Variants in TRIM21 observed in about 807,000 individuals in gnomAD.
TRIM21 encodes E3 ubiquitin-protein ligase TRIM21.
In TRIM21, 35 loss-of-function variants were observed where a neutral mutation model predicts 36.1. The observed-to-expected ratio is 0.97, with a 90% CI of 0.74 to 1.28. The LOEUF (loss-of-function observed/expected upper bound fraction) is 1.28, where lower values mean the gene tolerates loss of function less well. Among genes scored for constraint, TRIM21 ranks in the 50% most tolerant of loss-of-function variants. TRIM21 has a pLI of 0.00. For synonymous variants in TRIM21, 256 were observed against 211.5 expected (o/e 1.21, Z -1.83); for missense variants, 635 against 570.7 (o/e 1.11, Z -1.15).
rs1449922806 is a variant in TRIM21 at position 4,393,641 on chromosome 11, G to A, written c.-58C>T. On this transcript the variant is annotated 5_prime_UTR_variant, in exon 1 of 7. Coordinates refer to ENST00000254436, the MANE Select transcript of TRIM21 (RefSeq NM_003141.4). ...TAGTGGGGTTCACTCACCTTTACAG[G>A]GGACTCAACGCTGGTAGCCAGCTCC... 2 of 152,262 alleles carry A rather than the reference G, an allele frequency of 1.3e-5. No individual in the cohort carries two copies. The highest frequency in any genetic ancestry group is 2.1e-4 in the South Asian group (1 of 4,824). The allele number at this position is 152,262 out of a possible 1,614,324, so 9.4% of individuals were successfully genotyped here. A position where few individuals can be genotyped will look rare whatever the true frequency, so the allele number is the denominator to read the frequency against.
chr11:4,388,466 A>T lies in TRIM21; in HGVS notation c.569T>A (p.Val190Asp), dbSNP rs770667290. The stretch of plus-strand genomic sequence containing the variant: ...CTGCAGCTGCCTCTGTTCTTCTTCA[A>T]CCAGGAAGTTTTTTTGCTGCACAAA... ...AEFVQQKNFL[V>D]EEEQRQLQEL... The change falls in exon 4 of 7, where the codon GTT becomes GAT. Residue 190 changes from valine (V) to aspartate (D), a missense_variant. Coordinates refer to ENST00000254436, the MANE Select transcript of TRIM21 (RefSeq NM_003141.4). The T allele has an allele frequency of 1.2e-6, 2 of 1,613,492 alleles. No homozygotes were observed. The highest frequency in any genetic ancestry group is 1.1e-5 in the South Asian group (1 of 91,080).
At position 4,385,345 on chromosome 11, in the gene TRIM21, G is replaced by GT; in HGVS notation, c.1367dup (p.Asn456LysfsTer19). 6.2e-7 allele frequency: 1 copy of GT among 1,613,708 alleles called. No homozygotes were observed. Among genetic ancestry groups the GT allele is most frequent in the Non-Finnish European group, 8.5e-7 (1 of 1,179,856 alleles). On this transcript the variant is annotated frameshift_variant, in exon 7 of 7. Coordinates refer to ENST00000254436, the MANE Select transcript of TRIM21 (RefSeq NM_003141.4). LOFTEE classifies it low-confidence loss of function (END_TRUNC). Reference sequence around the variant, plus strand: ...GTGGACAGAGGGTTAGAGGGGCTGTGTTTTTTCCTCCATCATTGAAACCAG... The same window carrying GT: ...GTGGACAGAGGGTTAGAGGGGCTGTGTTTTTTTCCTCCATCATTGAAACCAG...
At chr11:4,387,389 G>A (rs1457388658) in intron 4 of TRIM21, among the ~76,000 whole-genome samples, 1 of 152,052 alleles carries the variant, frequency 6.6e-6, no homozygotes, top group Non-Finnish European at 1.5e-5. Flanking sequence ...TTCCACTTGT[G>A]GGCTAGCATT....
chr11:4,387,123 G>T, intron 4 of TRIM21, 133 bp from the exon 5 acceptor site: 1 of 884,168 alleles, frequency 1.1e-6, no homozygotes, highest in Non-Finnish European at 1.7e-6. Flanking sequence ...CTAGGCCCCA[G>T]AGATGATTCT....
intron 3 of TRIM21, 130 bp from the exon 4 acceptor site, chr11:4,388,660 T>G (rs181907998): frequency 1.2e-6 from 1 of 857,522 alleles, no homozygotes; most frequent in East Asian, 2.4e-5. Context: ...CACACACACA[T>G]GCACACGCAC....
In TRIM21 at chr11:4,385,108, A is replaced by G; in HGVS notation, c.*177T>C. ...GGCTGCTTCACTGGAGGGAATCACA[A>G]AGCCATCTGGGGCAGGAATGTTGAT... On this transcript the variant is annotated 3_prime_UTR_variant, in exon 7 of 7. Transcript: ENST00000254436. 1.7e-6 allele frequency: 1 copy of G among 599,034 alleles called. No homozygotes were observed. The highest frequency in any genetic ancestry group is 2.5e-5 in the South Asian group (1 of 39,800). 37.1% of individuals were successfully genotyped at this position (599,034 alleles called of 1,614,324 possible).
Position 4,392,567 on chromosome 11 carries a change from AAAAAC to A in TRIM21, c.-50+1061_-50+1065del, listed in dbSNP as rs71466158. On this transcript the variant is annotated intron_variant, in intron 1 of 6. Transcript: ENST00000254436. ...GGGTGACACGGCGAGACTCCCTCTC[AAAAAC>A]AAAACAAAACAAAACAAGGCATAAA... is the stretch of plus-strand genomic sequence containing the variant. 5.0e-3 allele frequency among the ~76,000 whole-genome samples: 756 copies of A among 151,764 alleles called. 6 individuals carry two copies. Among genetic ancestry groups the A allele is most frequent in the Non-Finnish European group, 5.9e-3 (401 of 67,964 alleles).
At chr11:4,389,609 GCC>G (rs1369073067) in intron 3 of TRIM21, 43 bp downstream of exon 3, 4 of 1,546,942 alleles carry the variant, frequency 2.6e-6, no homozygotes, top group Non-Finnish European at 3.6e-6. Context: ...TCTGGACCCT[GCC>G]CAGCCTTCCA....
At chr11:4,388,195 C>T (rs2094958581) in intron 4 of TRIM21, 105 bp downstream of exon 4, 1 of 991,000 alleles carries the variant, frequency 1.0e-6, no homozygotes, top group Non-Finnish European at 1.5e-6. Context: ...CATTTAAGAA[C>T]ATTCCAGGGA....
intron 1 of TRIM21, among the ~76,000 whole-genome samples, chr11:4,390,942 T>G (rs1163700280): frequency 6.6e-6 from 1 of 152,152 alleles, no homozygotes; most frequent in Non-Finnish European, 1.5e-5. Flanking sequence ...GATTAAAGAC[T>G]TAAATCTAAG....
intron 3 of TRIM21, among the ~76,000 whole-genome samples, chr11:4,389,207 A>G (rs986937309): frequency 1.3e-5 from 2 of 152,130 alleles, no homozygotes; most frequent in African/African-American, 4.8e-5. Flanking sequence ...TATATTTTGG[A>G]CCAGAGATCT....
intron 1 of TRIM21, among the ~76,000 whole-genome samples, chr11:4,391,454 G>C (rs2094962956): frequency 6.6e-6 from 1 of 152,102 alleles, no homozygotes; most frequent in Non-Finnish European, 1.5e-5. Flanking sequence ...TGGAGAAAAG[G>C]GTACACTCAT....
At chr11:4,389,074 C>G (rs1396209372) in intron 3 of TRIM21, among the ~76,000 whole-genome samples, 1 of 152,184 alleles carries the variant, frequency 6.6e-6, no homozygotes, top group African/African-American at 2.4e-5. Context: ...CACCCTACCT[C>G]AATCCCAAAT....
intron 1 of TRIM21, among the ~76,000 whole-genome samples, chr11:4,390,846 T>C (rs1467638090): frequency 6.6e-6 from 1 of 152,218 alleles, no homozygotes; most frequent in Non-Finnish European, 1.5e-5. Context: ...CTTCAATAAA[T>C]GCTGCTGGGA....
At position 4,386,972 on chromosome 11, in the gene TRIM21, C is replaced by G; in HGVS notation, c.754G>C (p.Glu252Gln). The G allele has an allele frequency of 6.3e-7, 1 of 1,583,564 alleles. No homozygotes were observed. Among genetic ancestry groups the G allele is most frequent in the Non-Finnish European group, 8.6e-7 (1 of 1,163,432 alleles). ...ELLQEVIIVL[E>Q]RSESWNLKDL... ...ACAAAGAAAACTCCTCCTTACCTTT[C>G]CAGGACAATTATCACCTCCTGAGGA... The change falls in exon 5 of 7, where the codon GAA becomes CAA. Residue 252 changes from glutamate (E) to glutamine (Q), a missense_variant. Physicochemically the swap from Glu to Gln is conservative, Grantham distance 29 (BLOSUM62 2). Coordinates refer to ENST00000254436, the MANE Select transcript of TRIM21 (RefSeq NM_003141.4).
intron 3 of TRIM21, 130 bp from the exon 4 acceptor site, chr11:4,388,660 T>A: frequency 1.2e-6 from 1 of 857,648 alleles, no homozygotes; most frequent in Non-Finnish European, 1.9e-6. Context: ...CACACACACA[T>A]GCACACGCAC....
chr11:4,389,327 T>A (rs2133052707), intron 3 of TRIM21, among the ~76,000 whole-genome samples: 1 of 152,300 alleles, frequency 6.6e-6, no homozygotes, highest in Non-Finnish European at 1.5e-5. Context: ...ACTAGGATAT[T>A]TGTCTCACAC....
At position 4,385,430 on chromosome 11, in the gene TRIM21, G is replaced by A. The variant is rs769975106; in HGVS notation, c.1283C>T (p.Ser428Phe). 6.2e-7 allele frequency: 1 copy of A among 1,613,480 alleles called. No individual in the cohort carries two copies. The highest frequency in any genetic ancestry group is 8.5e-7 in the Non-Finnish European group (1 of 1,179,774). ...VSFYNITDHG[S>F]LIYSFSECAF... ...ACATTCAGAGAAGGAGTAGATGAGGGAGCCATGGTCAGTGATGTTGTAGAA... is the reference window on the plus strand; with the variant it reads ...ACATTCAGAGAAGGAGTAGATGAGGAAGCCATGGTCAGTGATGTTGTAGAA... Residue 428 changes from serine to phenylalanine, a missense_variant, in exon 7 of 7, where the codon TCC becomes TTC. By Grantham distance (155) the Ser-to-Phe change is radical (BLOSUM62 -2). Transcript: ENST00000254436.
chr11:4,386,421 G>A (rs1054572151), intron 5 of TRIM21, 164 bp from the exon 6 acceptor site: 5 of 690,852 alleles, frequency 7.2e-6, no homozygotes, highest in Non-Finnish European at 1.3e-5. Flanking sequence ...AACAATGCAG[G>A]ATTTAGTTTC....
Sources: gnomAD v4.1 joint callset for allele counts (sites outside exome capture counted in the v4.1 genomes callset) on GRCh38, gnomAD v4.1.1 for gene constraint, MANE v1.5 for transcripts, NCBI Gene and HGNC (gene_info 2026-07-23, HGNC 2026-07-21) for gene names.